The following HPS5 variants were observed in gnomAD, a reference collection of about 807,000 sequenced individuals.
HPS5 encodes the protein HPS5 biogenesis of lysosomal organelles complex 2 subunit 2, also known as BLOC-2 complex member HPS5.
A neutral mutation model predicts 128.0 loss-of-function variants in HPS5; 83 were observed. The observed-to-expected ratio is 0.65, with a 90% CI of 0.54 to 0.78. The LOEUF (loss-of-function observed/expected upper bound fraction) is 0.78, where lower values mean the gene tolerates loss of function less well. Among genes scored for constraint, HPS5 ranks in the 30% least tolerant of loss-of-function variants. The probability of loss-of-function intolerance (pLI) is 0.00; values close to 1 mark genes in which losing one functional copy is unlikely to be tolerated. For missense variants in HPS5, 1,281 were observed against 1,326.2 expected (o/e 0.97, Z 0.53); for synonymous variants, 475 against 470.2 (o/e 1.01, Z -0.13).
At chr11:18,281,905 A>G in intron 22 of HPS5, 45 bp downstream of exon 22, 1 of 1,612,078 alleles carries the variant, frequency 6.2e-7, no homozygotes, top group East Asian at 2.2e-5. Flanking sequence ...GTGGCCTTCT[A>G]CCTTCTCCAA....
At chr11:18,310,681 G>A in intron 5 of HPS5, 60 bp downstream of exon 5, 2 of 1,323,762 alleles carry the variant, frequency 1.5e-6, no homozygotes, top group South Asian at 1.3e-5. Flanking sequence ...TTAATTGGAA[G>A]TTTTATAAGA....
At chr11:18,280,371 A>C in intron 22 of HPS5, 3 of 568,330 alleles carry the variant, frequency 5.3e-6, no homozygotes, top group Non-Finnish European at 9.2e-6. Flanking sequence ...TTAACAAAAA[A>C]CAACAACAGA....
At position 18,311,771 on chromosome 11, in the gene HPS5, A is replaced by G. The variant is rs558846534; in HGVS notation, c.219+143T>C. On this transcript the variant is annotated intron_variant, in intron 3 of 22. Transcript: ENST00000349215. ...GGTAATCCATCCGCCTTGGCCTCCCAAAATGCTGGGATTACAGGCGTGAGA... is the reference window on the plus strand; with the variant it reads ...GGTAATCCATCCGCCTTGGCCTCCCGAAATGCTGGGATTACAGGCGTGAGA... 6 of 753,790 alleles carry G rather than the reference A, an allele frequency of 8.0e-6. No homozygotes were observed. The African/African-American group carries it at 1.0e-4, about 13-fold the overall frequency. The allele number at this position is 753,790 out of a possible 1,614,324, so 46.7% of individuals were successfully genotyped here. A position where few individuals can be genotyped will look rare whatever the true frequency, so the allele number is the denominator to read the frequency against.
intron 9 of HPS5, among the ~76,000 whole-genome samples, chr11:18,299,805 T>C (rs1439539060): frequency 6.6e-6 from 1 of 152,192 alleles, no homozygotes; most frequent in Non-Finnish European, 1.5e-5. Context: ...CAGTTACTAA[T>C]GAAAACTGCA....
intron 8 of HPS5, among the ~76,000 whole-genome samples, chr11:18,302,474 T>A (rs1378033522): frequency 6.6e-6 from 1 of 152,182 alleles, no homozygotes; most frequent in Non-Finnish European, 1.5e-5. Context: ...ATATGGCACT[T>A]AATCATCTAC....
chr11:18,291,770 T>C lies in HPS5; in HGVS notation c.2112A>G (p.Lys704=). Residue 704 remains lysine (K), a synonymous_variant, in exon 16 of 23, where the codon AAA becomes AAG. Transcript: ENST00000349215. The part of the protein sequence containing the change: ...DSLGNEESVD[K]TACECVRSPR... ...GACTCCTTACACATTCACATGCTGT[T>C]TTATCAACAGATTCTTCATTGCCTA... is the stretch of plus-strand genomic sequence containing the variant. 6.2e-7 allele frequency: 1 copy of C among 1,614,184 alleles called. No individual in the cohort carries two copies. Among genetic ancestry groups the C allele is most frequent in the Non-Finnish European group, 8.5e-7 (1 of 1,179,998 alleles).
chr11:18,302,822 C>CGGGGGGGGGGGGGGG (rs1222065101), intron 8 of HPS5, among the ~76,000 whole-genome samples: 1 of 1,602 alleles, frequency 6.2e-4, no homozygotes, highest in Non-Finnish European at 1.3e-3. Flanking sequence ...AGAAAAAAAG[C>CGGGGGGGGGGGGGGG]GGGGGGGGGG....
At chr11:18,302,593 C>T (rs1307342044) in intron 8 of HPS5, among the ~76,000 whole-genome samples, 2 of 151,882 alleles carry the variant, frequency 1.3e-5, no homozygotes, top group African/African-American at 4.8e-5. Flanking sequence ...TTTCTTTTTC[C>T]TTTATGTTTC....
chr11:18,302,827 G>GA (rs1325202173), intron 8 of HPS5, among the ~76,000 whole-genome samples: 2 of 72,652 alleles, frequency 2.8e-5, no homozygotes, highest in South Asian at 1.5e-3. Context: ...AAAAGCGGGG[G>GA]GGGGGGGGGT....
At chr11:18,302,196 T>G (rs1004205893) in intron 8 of HPS5, among the ~76,000 whole-genome samples, 2 of 152,156 alleles carry the variant, frequency 1.3e-5, no homozygotes, top group African/African-American at 4.8e-5. Flanking sequence ...TCTGGAGGAC[T>G]CATTTTTTTC....
At chr11:18,304,974 T>C (rs1449553492) in intron 8 of HPS5, among the ~76,000 whole-genome samples, 1 of 152,230 alleles carries the variant, frequency 6.6e-6, no homozygotes, top group Non-Finnish European at 1.5e-5. Flanking sequence ...AGCAGATCTT[T>C]CATGCAAGCA....
At chr11:18,309,194 A>G (rs1455578415) in intron 5 of HPS5, 115 bp from the exon 6 acceptor site, 1 of 1,070,964 alleles carries the variant, frequency 9.3e-7, no homozygotes, top group African/African-American at 1.6e-5. Context: ...AAATTTTCAA[A>G]TAAGCCAAAA....
In HPS5 at chr11:18,291,620, G is replaced by T. The variant is rs779284876; in HGVS notation, c.2262C>A (p.Ile754=). The T allele has an allele frequency of 6.2e-7, 1 of 1,614,196 alleles. No homozygotes were observed. The highest frequency in any genetic ancestry group is 8.5e-7 in the Non-Finnish European group (1 of 1,180,028). The change falls in exon 16 of 23, where the codon ATC becomes ATA. Residue 754 remains isoleucine (I), a synonymous_variant. Coordinates refer to ENST00000349215, the MANE Select transcript of HPS5 (RefSeq NM_181507.2). ...GGTCCACATGTCCACTGGTGCTTTT[G>T]ATCTTAGAATTCAATACATTCAACT... is the stretch of plus-strand genomic sequence containing the variant. ...CLELNVLNSK[I]KSTSGHVDHT...
intron 1 of HPS5, among the ~76,000 whole-genome samples, chr11:18,320,992 C>G (rs1864250618): frequency 6.6e-6 from 1 of 152,140 alleles, no homozygotes; most frequent in African/African-American, 2.4e-5. Context: ...TGCTATTAAT[C>G]AAATGCAACA....
chr11:18,309,136 T>A (rs1353075931), intron 5 of HPS5, 57 bp from the exon 6 acceptor site: 3 of 1,498,650 alleles, frequency 2.0e-6, no homozygotes, highest in Non-Finnish European at 2.8e-6. Flanking sequence ...ACACATGCAA[T>A]CTCTTCCTCT....
Position 18,287,998 on chromosome 11 carries a change from T to C in HPS5, c.2456A>G (p.Asn819Ser), listed in dbSNP as rs1859953646. 2 of 1,613,752 alleles carry C rather than the reference T, an allele frequency of 1.2e-6. No individual in the cohort carries two copies. Among genetic ancestry groups the C allele is most frequent in the East Asian group, 2.2e-5 (1 of 44,848 alleles). Residue 819 changes from asparagine (N) to serine (S), a missense_variant, in exon 17 of 23, where the codon AAT becomes AGT. By Grantham distance (46) the Asn-to-Ser change is conservative. Coordinates refer to ENST00000349215, the MANE Select transcript of HPS5 (RefSeq NM_181507.2). The part of the protein sequence containing the change: ...IEGLKEMASS[N>S]PVYMEMEKGD... ...TTTTTCCATCTCCATATACACAGGATTGGAACTTGCCATTTCTGAAATATA... is the reference window on the plus strand; with the variant it reads ...TTTTTCCATCTCCATATACACAGGACTGGAACTTGCCATTTCTGAAATATA...
Position 18,305,165 on chromosome 11 carries a change from G to A in HPS5, c.896+257C>T, listed in dbSNP as rs1869786. Among the ~76,000 whole-genome samples, 21,162 of 152,072 alleles carry A rather than the reference G, an allele frequency of 0.14. 1,560 individuals carry two copies. The highest frequency in any genetic ancestry group is 0.19 in the African/African-American group (7,867 of 41,444). ...AGGAGAGGTTATGAGGCGGTTAGTA[G>A]AGCTATCTTAGCTCCAATTGTTAGA... On this transcript the variant is annotated intron_variant, in intron 8 of 22. Coordinates refer to ENST00000349215, the MANE Select transcript of HPS5 (RefSeq NM_181507.2).
rs1456000131 is a variant in HPS5, at chr11:18,292,990, CA to C, written c.1785-15del. ...TCTTTTTCCTCCCTAAAAAAGTGTG[CA>C]AAATAACAATAACATTCACAAGAGT... On this transcript the variant is annotated splice_polypyrimidine_tract_variant and intron_variant, in intron 14 of 22. Transcript: ENST00000349215. 32 of 1,602,352 alleles carry C rather than the reference CA, an allele frequency of 2.0e-5. No individual in the cohort carries two copies. Among genetic ancestry groups the C allele is most frequent in the Non-Finnish European group, 2.5e-5 (29 of 1,170,250 alleles).
chr11:18,298,686 C>T, intron 10 of HPS5, 106 bp downstream of exon 10: 1 of 1,084,300 alleles, frequency 9.2e-7, no homozygotes, highest in Non-Finnish European at 1.4e-6. Flanking sequence ...ATCTGTAGGT[C>T]ACACAGACAG....
Sources: gnomAD v4.1 joint callset for allele counts (sites outside exome capture counted in the v4.1 genomes callset) on GRCh38, gnomAD v4.1.1 for gene constraint, MANE v1.5 for transcripts, NCBI Gene and HGNC (gene_info 2026-07-23, HGNC 2026-07-21) for gene names.